The following SDK1 variants were observed in gnomAD, a reference collection of about 807,000 sequenced individuals.
SDK1 encodes sidekick cell adhesion molecule 1.
A neutral mutation model predicts 245.5 loss-of-function variants in SDK1; 157 were observed. The observed-to-expected ratio is 0.64, with a 90% CI of 0.56 to 0.73. SDK1 has a LOEUF of 0.73. Among genes scored for constraint, SDK1 ranks in the 30% least tolerant of loss-of-function variants. The probability of loss-of-function intolerance (pLI) is 0.00; values close to 1 mark genes in which losing one functional copy is unlikely to be tolerated. For synonymous variants in SDK1, 1,647 were observed against 1,278.5 expected (o/e 1.29, Z -6.15); for missense variants, 3,583 against 3,002.3 (o/e 1.19, Z -4.52).
intron 1 of SDK1, among the ~76,000 whole-genome samples, chr7:3,335,060 A>G (rs183529730): frequency 4.6e-5 from 7 of 152,236 alleles, no homozygotes; most frequent in African/African-American, 1.7e-4. Flanking sequence ...CCCTGAAACC[A>G]GTCACTTATA....
intron 4 of SDK1, among the ~76,000 whole-genome samples, chr7:3,680,350 C>A (rs1200640940): frequency 6.6e-6 from 1 of 152,090 alleles, no homozygotes; most frequent in South Asian, 2.1e-4. Context: ...TTTAGGTGGA[C>A]AGCACAGGGG....
chr7:3,864,564 C>A (rs1267911068), intron 5 of SDK1, among the ~76,000 whole-genome samples: 1 of 152,154 alleles, frequency 6.6e-6, no homozygotes. Context: ...GGTTTCCAGA[C>A]AACAAAACCA....
chr7:4,246,786 C>G (rs1315701059), intron 44 of SDK1, among the ~76,000 whole-genome samples: 4 of 152,170 alleles, frequency 2.6e-5, no homozygotes, highest in East Asian at 1.9e-4. Flanking sequence ...CGCGCTCCCT[C>G]CAGGACCCCA....
intron 1 of SDK1, among the ~76,000 whole-genome samples, chr7:3,616,034 A>G (rs1409562929): frequency 6.6e-6 from 1 of 152,070 alleles, no homozygotes; most frequent in East Asian, 1.9e-4. Flanking sequence ...GCAGGTGTAT[A>G]TCACCACACT....
intron 1 of SDK1, among the ~76,000 whole-genome samples, chr7:3,463,225 A>T (rs1270818717): frequency 6.6e-6 from 1 of 152,128 alleles, no homozygotes; most frequent in African/African-American, 2.4e-5. Flanking sequence ...TAATTTTGTG[A>T]GGATTTGATT....
Position 4,120,163 on chromosome 7 carries a change from CATAGCTAATA to C in SDK1, c.3823+5890_3823+5899del, listed in dbSNP as rs1285970199. Reference sequence around the variant, plus strand: ...TTGAAGAACAGAATGAGATCTACCACATAGCTAATAGGACTCGAAAGAGGAAGCAAATGAG... The same window carrying C: ...TTGAAGAACAGAATGAGATCTACCACGGACTCGAAAGAGGAAGCAAATGAG... On this transcript the variant is annotated intron_variant, in intron 25 of 44. Transcript: ENST00000404826. Among the ~76,000 whole-genome samples, 2 of 148,792 alleles carry C rather than the reference CATAGCTAATA, an allele frequency of 1.3e-5. 1 individual carries two copies. Among genetic ancestry groups the C allele is most frequent in the Non-Finnish European group, 3.0e-5 (2 of 66,712 alleles).
At chr7:3,321,839 C>CCTTCCTTCCTCCTTT (rs1175768033) in intron 1 of SDK1, among the ~76,000 whole-genome samples, 1 of 117,208 alleles carries the variant, frequency 8.5e-6, no homozygotes, top group Non-Finnish European at 1.7e-5. Flanking sequence ...CTCCTTTTCT[C>CCTTCCTTCCTCCTTT]TCTCTCTCTC....
chr7:3,984,726 T>G (rs1187111835), intron 13 of SDK1, among the ~76,000 whole-genome samples: 2 of 152,166 alleles, frequency 1.3e-5, no homozygotes, highest in African/African-American at 4.8e-5. Context: ...CTAACCCACC[T>G]TTAGTTTCAC....
At chr7:3,593,436 C>T (rs1442310083) in intron 1 of SDK1, among the ~76,000 whole-genome samples, 4 of 152,132 alleles carry the variant, frequency 2.6e-5, no homozygotes, top group African/African-American at 4.8e-5. Context: ...TACTCAAAGA[C>T]CTTGGTGGTT....
chr7:3,366,348 C>T lies in SDK1; in HGVS notation c.298+64464C>T, dbSNP rs367998389. Among the ~76,000 whole-genome samples the T allele has an allele frequency of 9.8e-4, 148 of 151,698 alleles. 1 individual carries two copies. Among genetic ancestry groups the T allele is most frequent in the African/African-American group, 3.4e-3 (140 of 41,368 alleles). On this transcript the variant is annotated intron_variant, in intron 1 of 44. Transcript: ENST00000404826. ...GTAGTCTATGGTCTCTGGTCTCCTC[C>T]TTTCTTTTTTTTTTTATTTCACAAT...
rs757020637 is a variant in SDK1, at chr7:4,113,433, C to A, written c.3579C>A (p.Arg1193=). ...CCAGTGAGACCAGCCTGCGGCTTCG[C>A]TGGGTGGTGAGTGGGGGTGAGAAGG... The part of the protein sequence containing the change: ...RTASETSLRL[R]WVPLPDSQYN... The change falls in exon 24 of 45, where the codon CGC becomes CGA. Residue 1193 remains arginine, a synonymous_variant. Coordinates refer to ENST00000404826, the MANE Select transcript of SDK1 (RefSeq NM_152744.4). 4.3e-6 allele frequency: 7 copies of A among 1,613,616 alleles called. No individual in the cohort carries two copies. In the Admixed American group the frequency reaches 5.0e-5, roughly 12 times the overall value.
chr7:3,978,009 C>T (rs559850190), intron 13 of SDK1, among the ~76,000 whole-genome samples: 23 of 152,284 alleles, frequency 1.5e-4, no homozygotes, highest in African/African-American at 5.1e-4. Flanking sequence ...CTACCAAAAC[C>T]CAAACAGTGA....
At chr7:3,349,652 T>G (rs1339536821) in intron 1 of SDK1, among the ~76,000 whole-genome samples, 1 of 152,096 alleles carries the variant, frequency 6.6e-6, no homozygotes, top group Non-Finnish European at 1.5e-5. Context: ...CAGGCTGCAG[T>G]GCAGTGGTAA....
chr7:3,962,109 A>G (rs921359363), intron 8 of SDK1, among the ~76,000 whole-genome samples: 9 of 152,246 alleles, frequency 5.9e-5, no homozygotes, highest in Non-Finnish European at 1.2e-4. Context: ...GCACAGACAC[A>G]CAAACACATC....
chr7:3,809,908 C>G (rs926555059), intron 4 of SDK1, among the ~76,000 whole-genome samples: 1 of 152,212 alleles, frequency 6.6e-6, no homozygotes, highest in East Asian at 1.9e-4. Flanking sequence ...TTCCCCAACT[C>G]AGCTCACGAA....
In SDK1 at chr7:4,206,124, G is replaced by A. The variant is rs554140947; in HGVS notation, c.5214+130G>A. ...CCTGGAGAGCTGGGGCCCAAGCGTC[G>A]GAGCTTGGCTAGACCTGGCCTGTTA... is the stretch of plus-strand genomic sequence containing the variant. On this transcript the variant is annotated intron_variant, in intron 36 of 44. Transcript: ENST00000404826. 55 of 641,010 alleles carry A rather than the reference G, an allele frequency of 8.6e-5. No homozygotes were observed. In the Middle Eastern group the frequency reaches 8.7e-4, roughly 10 times the overall value. The allele number at this position is 641,010 out of a possible 1,614,324, so 39.7% of individuals were successfully genotyped here.
At chr7:3,434,566 G>T (rs1419095707) in intron 1 of SDK1, among the ~76,000 whole-genome samples, 1 of 152,162 alleles carries the variant, frequency 6.6e-6, no homozygotes, top group African/African-American at 2.4e-5. Context: ...CCATTTTGTA[G>T]ATGGGACATC....
intron 20 of SDK1, among the ~76,000 whole-genome samples, chr7:4,074,886 G>GTGTGTGTGTATATATATATATATA (rs1401453083): frequency 2.1e-5 from 1 of 48,124 alleles, no homozygotes; most frequent in African/African-American, 1.6e-4. Flanking sequence ...CTCTCTCTCT[G>GTGTGTGTGTATATATATATATATA]TATATATATA....
chr7:4,120,270 A>G (rs1783972397), intron 25 of SDK1, among the ~76,000 whole-genome samples: 1 of 149,316 alleles, frequency 6.7e-6, no homozygotes, highest in Non-Finnish European at 1.5e-5. Context: ...ACAAGACTGA[A>G]GAAACACCAA....
Sources: gnomAD v4.1 joint callset for allele counts (sites outside exome capture counted in the v4.1 genomes callset) on GRCh38, gnomAD v4.1.1 for gene constraint, MANE v1.5 for transcripts, NCBI Gene and HGNC (gene_info 2026-07-23, HGNC 2026-07-21) for gene names.